The following CNTN4 variants were observed in gnomAD, a reference collection of about 807,000 sequenced individuals.
The protein encoded by CNTN4 is contactin-4.
CNTN4 carries 77 observed loss-of-function variants against 122.5 expected under a neutral mutation model. The ratio of observed to expected loss-of-function variants is 0.63; its 90% CI spans 0.52 to 0.76. The LOEUF (loss-of-function observed/expected upper bound fraction) is 0.76, where lower values mean the gene tolerates loss of function less well. CNTN4 is among the 30% of genes least tolerant of loss of function. The pLI is 0.00. For missense variants in CNTN4, 1,256 were observed against 1,259.1 expected (o/e 1.00, Z 0.04); for synonymous variants, 512 against 447.0 (o/e 1.15, Z -1.83).
intron 2 of CNTN4, among the ~76,000 whole-genome samples, chr3:2,307,641 T>C (rs2042765134): frequency 1.3e-5 from 2 of 152,126 alleles, no homozygotes; most frequent in Admixed American, 1.3e-4. Flanking sequence ...AGTGTTGCAT[T>C]TTTTAAATAC....
At chr3:2,622,241 A>G (rs555665177) in intron 4 of CNTN4, among the ~76,000 whole-genome samples, 1 of 152,332 alleles carries the variant, frequency 6.6e-6, no homozygotes, top group South Asian at 2.1e-4. Flanking sequence ...TAACTTCCAG[A>G]TGAAAGTCCA....
chr3:2,125,138 C>A (rs1015555943), intron 2 of CNTN4, among the ~76,000 whole-genome samples: 1 of 152,120 alleles, frequency 6.6e-6, no homozygotes, highest in Non-Finnish European at 1.5e-5. Flanking sequence ...TCTACAGGCT[C>A]TGGAAGCCAC....
chr3:2,481,393 G>A (rs926240556), intron 3 of CNTN4, among the ~76,000 whole-genome samples: 8 of 151,662 alleles, frequency 5.3e-5, no homozygotes, highest in Non-Finnish European at 8.8e-5. Context: ...CACCCGCCTC[G>A]ACCTCCCAAA....
At chr3:2,673,290 C>G (rs1488628424) in intron 4 of CNTN4, among the ~76,000 whole-genome samples, 1 of 152,166 alleles carries the variant, frequency 6.6e-6, no homozygotes, top group Non-Finnish European at 1.5e-5. Context: ...TCGATTTATG[C>G]TATCACCTTA....
intron 2 of CNTN4, among the ~76,000 whole-genome samples, chr3:2,156,938 G>T (rs1404801773): frequency 1.3e-5 from 2 of 152,136 alleles, no homozygotes; most frequent in African/African-American, 2.4e-5. Flanking sequence ...CAACCATTTT[G>T]GGGTCATTAA....
At chr3:2,346,610 T>G (rs530434391) in intron 3 of CNTN4, among the ~76,000 whole-genome samples, 2 of 152,322 alleles carry the variant, frequency 1.3e-5, no homozygotes, top group Admixed American at 1.3e-4. Flanking sequence ...ATTGGAATTC[T>G]TAGTTAATGG....
intron 2 of CNTN4, among the ~76,000 whole-genome samples, chr3:2,327,401 A>G (rs545064102): frequency 6.6e-6 from 1 of 152,248 alleles, no homozygotes; most frequent in African/African-American, 2.4e-5. Context: ...CTCATTCCTC[A>G]TGGTAATGGA....
At chr3:2,395,381 C>G (rs530517665) in intron 3 of CNTN4, among the ~76,000 whole-genome samples, 1 of 152,166 alleles carries the variant, frequency 6.6e-6, no homozygotes, top group East Asian at 1.9e-4. Context: ...TATAAGGAAA[C>G]TTTCTAGAGT....
chr3:2,294,126 A>G (rs974106705), intron 2 of CNTN4, among the ~76,000 whole-genome samples: 62 of 152,180 alleles, frequency 4.1e-4, no homozygotes, highest in African/African-American at 1.5e-3. Flanking sequence ...GAGCAGAAGC[A>G]AGGTCTCTGG....
At chr3:2,632,064 GCACACACA>G (rs35316929) in intron 4 of CNTN4, among the ~76,000 whole-genome samples, 2 of 143,938 alleles carry the variant, frequency 1.4e-5, no homozygotes, top group Non-Finnish European at 3.1e-5. Flanking sequence ...ATACACATAC[GCACACACA>G]CACACACACA....
intron 3 of CNTN4, among the ~76,000 whole-genome samples, chr3:2,347,326 G>A (rs574811530): frequency 2.8e-5 from 4 of 143,642 alleles, no homozygotes; most frequent in East Asian, 3.9e-4. Flanking sequence ...GCTTCCTCCC[G>A]GAATTGACAC....
chr3:2,108,094 A>C (rs907305778), intron 2 of CNTN4, among the ~76,000 whole-genome samples: 3 of 149,690 alleles, frequency 2.0e-5, no homozygotes, highest in African/African-American at 7.4e-5. Flanking sequence ...CCCTGTTCCT[A>C]TCCTCCCCCA....
chr3:2,226,147 A>G (rs2039273687), intron 2 of CNTN4, among the ~76,000 whole-genome samples: 2 of 152,054 alleles, frequency 1.3e-5, no homozygotes, highest in Non-Finnish European at 2.9e-5. Context: ...TTTTTTACAT[A>G]TATAATTCTT....
intron 2 of CNTN4, among the ~76,000 whole-genome samples, chr3:2,120,394 TATATATATA>T (rs1439726304): frequency 2.5e-4 from 8 of 31,656 alleles, no homozygotes; most frequent in East Asian, 2.0e-3. Context: ...TATATATATA[TATATATATA>T]TATTTTTTTT....
rs968789274 is a variant in CNTN4 at position 2,962,188 on chromosome 3, T to C, written c.1359-26157T>C. Among the ~76,000 whole-genome samples, 6 of 152,170 alleles carry C rather than the reference T, an allele frequency of 3.9e-5. No homozygotes were observed. The East Asian group carries it at 1.2e-3, about 29-fold the overall frequency. On this transcript the variant is annotated intron_variant, in intron 13 of 24. Coordinates refer to ENST00000418658, the MANE Select transcript of CNTN4 (RefSeq NM_175607.3). ...CTTCTGCCAAAGACACTCCCAGTAA[T>C]AGAAACTTCTGTGGAGAATTATGCC...
At chr3:2,219,823 A>AT (rs1450848951) in intron 2 of CNTN4, among the ~76,000 whole-genome samples, 6 of 152,080 alleles carry the variant, frequency 3.9e-5, no homozygotes, top group South Asian at 2.1e-4. Flanking sequence ...AAAAGATGGC[A>AT]TTTTTTTCAG....
At chr3:2,408,757 GA>G (rs923677002) in intron 3 of CNTN4, among the ~76,000 whole-genome samples, 2 of 152,128 alleles carry the variant, frequency 1.3e-5, no homozygotes, top group African/African-American at 4.8e-5. Flanking sequence ...CTTCATCATA[GA>G]ATAAAATGTG....
At chr3:2,361,256 A>G (rs965969376) in intron 3 of CNTN4, among the ~76,000 whole-genome samples, 1 of 149,608 alleles carries the variant, frequency 6.7e-6, no homozygotes, top group Non-Finnish European at 1.5e-5. Flanking sequence ...CTCACTGAGC[A>G]CAAGGAATAT....
chr3:2,934,153 T>G (rs1327099640), intron 13 of CNTN4, among the ~76,000 whole-genome samples: 1 of 152,240 alleles, frequency 6.6e-6, no homozygotes, highest in Non-Finnish European at 1.5e-5. Flanking sequence ...TTTAGGCCAC[T>G]GTGGACCAGT....
Sources: allele counts gnomAD v4.1 joint callset (sites outside exome capture counted in the v4.1 genomes callset), GRCh38; gene constraint gnomAD v4.1.1; transcripts MANE v1.5; gene names NCBI Gene and HGNC (gene_info 2026-07-23, HGNC 2026-07-21).